Variants in SYNE2 observed in about 807,000 individuals in gnomAD.
SYNE2 encodes the protein nesprin-2.
SYNE2 carries 431 observed loss-of-function variants against 856.3 expected under a neutral mutation model. That is an observed-to-expected ratio of 0.50 (90% CI 0.47 to 0.55). SYNE2 has a LOEUF of 0.55. SYNE2 is among the 20% of genes least tolerant of loss of function. The probability of loss-of-function intolerance (pLI) is 0.00; values close to 1 mark genes in which losing one functional copy is unlikely to be tolerated. For synonymous variants in SYNE2, 2,923 were observed against 2,872.3 expected (o/e 1.02, Z -0.56); for missense variants, 8,129 against 8,023.2 (o/e 1.01, Z -0.50).
At chr14:63,930,634 A>G (rs2095740044) in intron 2 of SYNE2, among the ~76,000 whole-genome samples, 1 of 151,412 alleles carries the variant, frequency 6.6e-6, no homozygotes, top group Admixed American at 6.6e-5. Flanking sequence ...TCCCAAGTTC[A>G]AGTGATTCTC....
intron 6 of SYNE2, among the ~76,000 whole-genome samples, chr14:63,946,044 G>T (rs2096021083): frequency 6.6e-6 from 1 of 152,108 alleles, no homozygotes; most frequent in Non-Finnish European, 1.5e-5. Context: ...AGAGTTTCTT[G>T]CTCCAATCCC....
chr14:64,032,801 G>T (rs1263252927), intron 45 of SYNE2, among the ~76,000 whole-genome samples: 1 of 152,186 alleles, frequency 6.6e-6, no homozygotes, highest in Non-Finnish European at 1.5e-5. Context: ...ATATGTCTTA[G>T]AGGATTAAGA....
At chr14:64,074,263 T>G in intron 53 of SYNE2, 127 bp downstream of exon 53, 8 of 906,530 alleles carry the variant, frequency 8.8e-6, no homozygotes, top group Non-Finnish European at 1.3e-5. Flanking sequence ...GAGAGAGGCA[T>G]AGGCAAAGGC....
intron 1 of SYNE2, among the ~76,000 whole-genome samples, chr14:63,795,950 G>A (rs1466151877): frequency 6.6e-6 from 1 of 152,160 alleles, no homozygotes; most frequent in Non-Finnish European, 1.5e-5. Context: ...GAAACAGAAA[G>A]CAGATCTGTG....
At chr14:64,060,504 T>TG (rs2097308268) in intron 49 of SYNE2, among the ~76,000 whole-genome samples, 6 of 152,132 alleles carry the variant, frequency 3.9e-5, no homozygotes, top group Non-Finnish European at 7.4e-5. Context: ...CCTACTTAGC[T>TG]GGTATCCAAG....
chr14:63,805,578 G>A (rs529598395), intron 1 of SYNE2, among the ~76,000 whole-genome samples: 4 of 151,978 alleles, frequency 2.6e-5, no homozygotes, highest in Non-Finnish European at 4.4e-5. Flanking sequence ...TGGTAGAGAC[G>A]GGGTTTCACT....
intron 47 of SYNE2, among the ~76,000 whole-genome samples, chr14:64,050,693 C>T (rs929126551): frequency 6.6e-6 from 1 of 152,012 alleles, no homozygotes; most frequent in African/African-American, 2.4e-5. Flanking sequence ...TAAATTTAGT[C>T]TTCATATGTA....
At chr14:63,990,862 A>G (rs2096661462) in intron 20 of SYNE2, 80 bp from the exon 21 acceptor site, 1 of 1,183,752 alleles carries the variant, frequency 8.4e-7, no homozygotes, top group African/African-American at 1.5e-5. Context: ...TCTAGTGGGA[A>G]AATAACAAAG....
intron 1 of SYNE2, among the ~76,000 whole-genome samples, chr14:63,827,218 C>T (rs562879260): frequency 2.1e-4 from 31 of 149,450 alleles, no homozygotes; most frequent in African/African-American, 7.4e-4. Flanking sequence ...GCAGAGGTTG[C>T]AGTGAGCCGA....
chr14:64,003,033 T>C lies in SYNE2; in HGVS notation c.4100T>C (p.Ile1367Thr). 6.2e-7 allele frequency: 1 copy of C among 1,613,980 alleles called. No homozygotes were observed. The highest frequency in any genetic ancestry group is 8.5e-7 in the Non-Finnish European group (1 of 1,179,992). The change falls in exon 30 of 116, where the codon ATT becomes ACT. Residue 1367 changes from isoleucine (I) to threonine (T), a missense_variant. Transcript: ENST00000555002. ...TLTVKNKEGE[I>T]HLMKDKAKHL... ...ACAGTAAAAAATAAAGAGGGAGAAA[T>C]TCATCTGATGAAAGACAAGGCCAAA...
rs1165841766 is a variant in SYNE2 at position 63,977,999 on chromosome 14, T to C, written c.1388T>C (p.Leu463Ser). The change falls in exon 13 of 116, where the codon TTG (leucine) becomes TCG (serine). Residue 463 changes from leucine (L) to serine (S), a missense_variant. Around this residue, in one of 3 missense-constraint regions of SYNE2, gnomAD observed 2,422 missense variants for 2,357.4 expected, o/e 1.03. Transcript: ENST00000555002. ...TTGCCATTGGTACCACCTAACAAAT[T>C]GGAGGAAATGAAAAGACGGTGTGTA... is the stretch of plus-strand genomic sequence containing the variant. The part of the protein sequence containing the change: ...NHLPLVPPNK[L>S]EEMKRRINNI... 4 of 1,611,106 alleles carry C rather than the reference T, an allele frequency of 2.5e-6. No homozygotes were observed. The highest frequency in any genetic ancestry group is 2.7e-5 in the African/African-American group (2 of 74,846).
At chr14:63,980,799 CTTTCTATATAATGTTTTAGAAATTAGT>C (rs1392951126) in intron 15 of SYNE2, 67 bp downstream of exon 15, 2 of 1,249,040 alleles carry the variant, frequency 1.6e-6, no homozygotes, top group Non-Finnish European at 2.3e-6. Flanking sequence ...ATCTGTTGTG[CTTTCTATATAATGTTTTAGAAATTAGT>C]TTTATGTGCA....
At position 64,175,300 on chromosome 14, in the gene SYNE2, T is replaced by C. The variant is rs944462; in HGVS notation, c.17430+162T>C. 0.09 allele frequency among the ~76,000 whole-genome samples: 13,657 copies of C among 152,220 alleles called. 870 individuals are homozygous for C. The highest frequency in any genetic ancestry group is 0.27 in the East Asian group (1,420 of 5,180). Reference sequence around the variant, plus strand: ...ATGCCAGTTACTTAATGTGAAATGATGATATAGCATTGCAAGAGCTCAATG... The same window carrying C: ...ATGCCAGTTACTTAATGTGAAATGACGATATAGCATTGCAAGAGCTCAATG... On this transcript the variant is annotated intron_variant, in intron 95 of 115. Coordinates refer to ENST00000555002, the MANE Select transcript of SYNE2 (RefSeq NM_182914.3).
chr14:63,995,288 A>G (rs2096704240), intron 23 of SYNE2, 86 bp downstream of exon 23: 8 of 1,275,514 alleles, frequency 6.3e-6, no homozygotes, highest in Non-Finnish European at 7.8e-6. Context: ...CTAGGATGAA[A>G]ACTGTTCTGA....
In SYNE2 at chr14:64,010,228, C is replaced by T; in HGVS notation, c.4728+112C>T. The T allele has an allele frequency of 7.8e-6, 9 of 1,161,024 alleles. No individual in the cohort carries two copies. In the South Asian group the frequency reaches 1.2e-4, roughly 16 times the overall value. 71.9% of individuals were successfully genotyped at this position (1,161,024 alleles called of 1,614,324 possible). A position where few individuals can be genotyped will look rare whatever the true frequency, so the allele number is the denominator to read the frequency against. ...TTGAAACTTCGTTTAAAAGAAGTTA[C>T]TAGTGACCCTATTTTACCAGGTATC... On this transcript the variant is annotated intron_variant, in intron 32 of 115. Transcript: ENST00000555002.
At position 63,998,300 on chromosome 14, in the gene SYNE2, A is replaced by G. The variant is rs982358351; in HGVS notation, c.3325A>G (p.Ser1109Gly). 3.7e-6 allele frequency: 6 copies of G among 1,613,162 alleles called. No homozygotes were observed. Among genetic ancestry groups the G allele is most frequent in the Non-Finnish European group, 4.2e-6 (5 of 1,179,200 alleles). Residue 1109 changes from serine (S) to glycine (G), a missense_variant, in exon 26 of 116, where the codon AGT becomes GGT. By Grantham distance (56) the Ser-to-Gly change is moderately conservative (BLOSUM62 0). This residue lies in a region of SYNE2 where 2,422 missense variants were observed against 2,357.4 expected (regional missense o/e 1.03). Transcript: ENST00000555002. ...AGAAAGCATTATGGAAAAGGATTAC[A>G]GTGCATCTATAAATAGTTTACTAGA... ...QEESIMEKDY[S>G]ASINSLLERY...
chr14:64,167,124 T>G (rs1240195896), intron 90 of SYNE2, 109 bp from the exon 91 acceptor site: 3 of 1,398,840 alleles, frequency 2.1e-6, no homozygotes, highest in Non-Finnish European at 3.0e-6. Flanking sequence ...GCAAGTCATT[T>G]GCCTGTTCAG....
chr14:63,964,143 T>C, intron 10 of SYNE2, 143 bp downstream of exon 10: 1 of 618,752 alleles, frequency 1.6e-6, no homozygotes, highest in Non-Finnish European at 2.8e-6. Flanking sequence ...GGACTGTACT[T>C]CCGAAACTTT....
Position 64,031,079 on chromosome 14 carries a change from T to C in SYNE2, c.6943T>C (p.Ser2315Pro). 6.2e-7 allele frequency: 1 copy of C among 1,614,048 alleles called. No homozygotes were observed. Among genetic ancestry groups the C allele is most frequent in the Non-Finnish European group, 8.5e-7 (1 of 1,179,996 alleles). Residue 2315 changes from serine (S) to proline (P), a missense_variant, in exon 45 of 116, where the codon TCC becomes CCC. By Grantham distance (74) the Ser-to-Pro change is moderately conservative. Coordinates refer to ENST00000555002, the MANE Select transcript of SYNE2 (RefSeq NM_182914.3). ...TLKKILALAK[S>P]VKQNTSSVGQ... is the part of the protein sequence containing the mutation. ...AAAGAAGATTTTAGCTTTAGCAAAA[T>C]CCGTCAAGCAAAATACATCTTCAGT...
Sources: gnomAD v4.1 joint callset for allele counts (sites outside exome capture counted in the v4.1 genomes callset) on GRCh38, gnomAD v4.1.1 for gene constraint, gnomAD v4.1.1 regional missense constraint, MANE v1.5 for transcripts, NCBI Gene and HGNC (gene_info 2026-07-23, HGNC 2026-07-21) for gene names.